PMFBP1: variants seen among roughly 807,000 people sequenced by gnomAD.
PMFBP1 encodes the protein polyamine-modulated factor 1-binding protein 1.
A neutral mutation model predicts 137.8 loss-of-function variants in PMFBP1; 131 were observed. The observed-to-expected ratio is 0.95, with a 90% CI of 0.82 to 1.10. The LOEUF is 1.10. Among genes scored for constraint, PMFBP1 ranks in the 50% least tolerant of loss-of-function variants. The pLI is 0.00. For synonymous variants in PMFBP1, 490 were observed against 450.4 expected (o/e 1.09, Z -1.11); for missense variants, 1,199 against 1,175.4 (o/e 1.02, Z -0.29).
chr16:72,222,636 T>C, the PMFBP1 span, among the ~76,000 whole-genome samples: 10 of 152,142 alleles, frequency 6.6e-5, no homozygotes, highest in Admixed American at 2.0e-4. Context: ...AGGACCCAGA[T>C]GTTAGACTGC....
intron 3 of PMFBP1, 22 bp downstream of exon 3, chr16:72,164,742 C>CGGCTGCTGCCAAGTCCCTTACGT: frequency 6.4e-7 from 1 of 1,571,032 alleles, no homozygotes; most frequent in African/African-American, 1.3e-5. Context: ...CAGGGGTGAG[C>CGGCTGCTGCCAAGTCCCTTACGT]GGCTGCTGCC....
chr16:72,127,671 T>C (rs1273740836), intron 14 of PMFBP1, among the ~76,000 whole-genome samples: 1 of 152,208 alleles, frequency 6.6e-6, no homozygotes, highest in African/African-American at 2.4e-5. Context: ...CTAGTAAAAG[T>C]TCTAATAAAA....
intron 4 of PMFBP1, among the ~76,000 whole-genome samples, chr16:72,152,635 AG>A (rs2042918384): frequency 1.3e-5 from 2 of 152,082 alleles, no homozygotes; most frequent in South Asian, 4.1e-4. Flanking sequence ...ACCCGAGGTC[AG>A]GAGTTCAAGA....
the PMFBP1 span, among the ~76,000 whole-genome samples, chr16:72,214,254 G>A: frequency 6.6e-6 from 1 of 152,042 alleles, no homozygotes; most frequent in African/African-American, 2.4e-5. Flanking sequence ...GAGTGCAGTG[G>A]CACAATCTCG....
chr16:72,164,078 A>G (rs2043104951), intron 3 of PMFBP1, among the ~76,000 whole-genome samples: 1 of 152,034 alleles, frequency 6.6e-6, no homozygotes. Context: ...TAAAAAAAAA[A>G]AGGTGTGTCA....
chr16:72,219,482 CG>C, the PMFBP1 span, among the ~76,000 whole-genome samples: 1 of 152,034 alleles, frequency 6.6e-6, no homozygotes, highest in African/African-American at 2.4e-5. Flanking sequence ...GTGCATATGT[CG>C]GGGGCCTGTG....
the PMFBP1 span, among the ~76,000 whole-genome samples, chr16:72,184,432 AC>A: frequency 1.3e-5 from 2 of 152,086 alleles, no homozygotes; most frequent in Non-Finnish European, 2.9e-5. Context: ...CTCTGATATC[AC>A]CTTTTTAAGG....
chr16:72,166,129 T>C (rs2043141309), intron 2 of PMFBP1, among the ~76,000 whole-genome samples: 2 of 152,302 alleles, frequency 1.3e-5, no homozygotes, highest in Middle Eastern at 3.4e-3. Context: ...GGCTCCTTCA[T>C]GGTCAGTACA....
chr16:72,143,200 G>A (rs34714490), intron 5 of PMFBP1, among the ~76,000 whole-genome samples: 2 of 151,966 alleles, frequency 1.3e-5, no homozygotes, highest in Admixed American at 6.6e-5. Context: ...TTGAAAATAA[G>A]CCAAGAACAG....
chr16:72,211,100 T>C, the PMFBP1 span, among the ~76,000 whole-genome samples: 1 of 152,136 alleles, frequency 6.6e-6, no homozygotes, highest in South Asian at 2.1e-4. Flanking sequence ...CACTTAAGGG[T>C]GTGCTAGGTG....
the PMFBP1 span, among the ~76,000 whole-genome samples, chr16:72,196,371 C>T: frequency 2.0e-5 from 3 of 152,168 alleles, no homozygotes; most frequent in African/African-American, 7.2e-5. Flanking sequence ...TGGTACAGAA[C>T]TGGCACTTCT....
chr16:72,192,515 A>G, the PMFBP1 span, among the ~76,000 whole-genome samples: 2 of 152,202 alleles, frequency 1.3e-5, no homozygotes, highest in South Asian at 4.1e-4. Context: ...AAAAAATACA[A>G]TGGGCCAAGC....
intron 3 of PMFBP1, among the ~76,000 whole-genome samples, chr16:72,159,925 A>T (rs2043037279): frequency 6.6e-6 from 1 of 152,164 alleles, no homozygotes; most frequent in South Asian, 2.1e-4. Flanking sequence ...AGGTAAGACT[A>T]GTTCTTAAAA....
At chr16:72,156,686 C>A (rs933621339) in intron 3 of PMFBP1, among the ~76,000 whole-genome samples, 1 of 151,788 alleles carries the variant, frequency 6.6e-6, no homozygotes, top group Non-Finnish European at 1.5e-5. Flanking sequence ...TATAAATATA[C>A]CATATTTGGT....
intron 19 of PMFBP1, among the ~76,000 whole-genome samples, chr16:72,121,188 T>A (rs2042372378): frequency 6.6e-6 from 1 of 152,186 alleles, no homozygotes; most frequent in Admixed American, 6.5e-5. Context: ...AAGTAGAGAA[T>A]TCATCCTCAA....
At chr16:72,241,060 T>C in the PMFBP1 span, among the ~76,000 whole-genome samples, 1 of 152,226 alleles carries the variant, frequency 6.6e-6, no homozygotes, top group Non-Finnish European at 1.5e-5. Flanking sequence ...ACATAACTTA[T>C]GTTAAAGAAG....
chr16:72,128,686 G>A lies in PMFBP1; in HGVS notation c.2059C>T (p.Gln687Ter). The part of the protein sequence containing the change: ...ESSLNKYNTS[Q>*]QVIQDLNKEI... ...TTATTCAAGTCTTGGATGACTTGCTGGCTGGTGTTGTATTTGTTGAGAGAG... is the reference window on the plus strand; with the variant it reads ...TTATTCAAGTCTTGGATGACTTGCTAGCTGGTGTTGTATTTGTTGAGAGAG... The change falls in exon 14 of 21, where the codon CAG becomes TAG. Residue 687 changes from glutamine to a stop codon, truncating the protein, a stop_gained. Transcript: ENST00000237353. LOFTEE classifies it high-confidence loss of function. The A allele has an allele frequency of 6.2e-7, 1 of 1,614,152 alleles. No homozygotes were observed. Among genetic ancestry groups the A allele is most frequent in the Non-Finnish European group, 8.5e-7 (1 of 1,180,034 alleles).
chr16:72,211,944 C>T, the PMFBP1 span, among the ~76,000 whole-genome samples: 2 of 152,078 alleles, frequency 1.3e-5, no homozygotes, highest in East Asian at 1.9e-4. Context: ...TTGCAGTGAG[C>T]TGAGATCCTG....
chr16:72,124,744 C>G (rs770897684), intron 17 of PMFBP1, 23 bp downstream of exon 17: 1 of 1,606,684 alleles, frequency 6.2e-7, no homozygotes, highest in Non-Finnish European at 8.5e-7. Context: ...AGAGGAGGCA[C>G]GCAGAAGCCA....
Sources: gnomAD v4.1 joint callset for allele counts (sites outside exome capture counted in the v4.1 genomes callset) on GRCh38, gnomAD v4.1.1 for gene constraint, MANE v1.5 for transcripts, NCBI Gene and HGNC (gene_info 2026-07-23, HGNC 2026-07-21) for gene names.